FBXL7: variants seen among roughly 807,000 people sequenced by gnomAD.
FBXL7 encodes F-box/LRR-repeat protein 7.
A neutral mutation model predicts 38.3 loss-of-function variants in FBXL7; 12 were observed. The ratio of observed to expected loss-of-function variants is 0.31; its 90% confidence interval spans 0.20 to 0.51. The LOEUF is 0.51. FBXL7 is among the 20% of genes least tolerant of loss of function. FBXL7 has a pLI of 0.98. For synonymous variants in FBXL7, 297 were observed against 300.9 expected (o/e 0.99, Z 0.13); for missense variants, 567 against 676.4 (o/e 0.84, Z 1.79).
chr5:15,876,928 GA>G (rs1740234433), intron 2 of FBXL7, among the ~76,000 whole-genome samples: 1 of 152,186 alleles, frequency 6.6e-6, no homozygotes, highest in African/African-American at 2.4e-5. Context: ...ATGAAGAACT[GA>G]AAAGGCATTC....
chr5:15,576,632 G>C (rs1039828395), intron 1 of FBXL7, among the ~76,000 whole-genome samples: 45 of 152,158 alleles, frequency 3.0e-4, no homozygotes, highest in Admixed American at 1.3e-3. Context: ...GATATTAAAG[G>C]TTTGCTTAAC....
At position 15,713,323 on chromosome 5, in the gene FBXL7, C is replaced by T. The variant is rs549516904; in HGVS notation, c.127+97251C>T. ...GTATGGGGAAACCACTCCCATGATTCAGCTATCTCCCACTGGGTCCCTCCC... is the reference window on the plus strand; with the variant it reads ...GTATGGGGAAACCACTCCCATGATTTAGCTATCTCCCACTGGGTCCCTCCC... On this transcript the variant is annotated intron_variant, in intron 2 of 3. Transcript: ENST00000504595. 4.6e-5 allele frequency among the ~76,000 whole-genome samples: 7 copies of T among 152,306 alleles called. No homozygotes were observed. In the East Asian group the frequency reaches 1.4e-3, roughly 29 times the overall value.
chr5:15,884,826 A>G (rs1362537086), intron 2 of FBXL7, among the ~76,000 whole-genome samples: 1 of 152,224 alleles, frequency 6.6e-6, no homozygotes, highest in Non-Finnish European at 1.5e-5. Flanking sequence ...TAAGAAGTAA[A>G]ACATTTCCCC....
At chr5:15,532,110 T>G (rs1313958314) in intron 1 of FBXL7, among the ~76,000 whole-genome samples, 2 of 152,250 alleles carry the variant, frequency 1.3e-5, no homozygotes, top group Non-Finnish European at 2.9e-5. Context: ...TATCTCTTGT[T>G]GTTAATGAAA....
chr5:15,787,379 G>T (rs1030865947), intron 2 of FBXL7, among the ~76,000 whole-genome samples: 2 of 152,136 alleles, frequency 1.3e-5, no homozygotes, highest in African/African-American at 4.8e-5. Context: ...CTTTTAAGGA[G>T]GTATGCCTTG....
rs1342719997 is a variant in FBXL7, at chr5:15,936,012, T to C, written c.740-438T>C. ...CAGGGAGCTTCCAAACCAGGGCAGC[T>C]CAAGAACTCACTTTTACTGAGCTCC... On this transcript the variant is annotated intron_variant, in intron 3 of 3. Transcript: ENST00000504595. This position sits in a 1 kb window ranked among gnomAD's most constrained non-coding sequence, Gnocchi z 6.0. Among the ~76,000 whole-genome samples, 3 of 152,148 alleles carry C rather than the reference T, an allele frequency of 2.0e-5. No homozygotes were observed. Among genetic ancestry groups the C allele is most frequent in the Non-Finnish European group, 2.9e-5 (2 of 68,034 alleles).
At chr5:15,666,053 A>T (rs2126590751) in intron 2 of FBXL7, among the ~76,000 whole-genome samples, 1 of 152,228 alleles carries the variant, frequency 6.6e-6, no homozygotes, top group South Asian at 2.1e-4. Flanking sequence ...TCCATTAGTC[A>T]TTGATAAAAC....
At chr5:15,594,497 C>A (rs1739566199) in intron 1 of FBXL7, among the ~76,000 whole-genome samples, 1 of 152,162 alleles carries the variant, frequency 6.6e-6, no homozygotes, top group Non-Finnish European at 1.5e-5. Flanking sequence ...AGTCTGAATT[C>A]CTGATGTGTG....
intron 1 of FBXL7, among the ~76,000 whole-genome samples, chr5:15,503,237 A>G (rs1736548401): frequency 6.6e-6 from 1 of 152,200 alleles, no homozygotes; most frequent in Non-Finnish European, 1.5e-5. Context: ...GCTGGCCAAC[A>G]TGGTGAAACC....
At chr5:15,555,978 T>C (rs1044838430) in intron 1 of FBXL7, among the ~76,000 whole-genome samples, 3 of 98,822 alleles carry the variant, frequency 3.0e-5, no homozygotes, top group African/African-American at 1.2e-4. Context: ...GTCTATCATC[T>C]ATCTATCTAT....
chr5:15,813,065 G>A (rs1737911108), intron 2 of FBXL7, among the ~76,000 whole-genome samples: 1 of 152,138 alleles, frequency 6.6e-6, no homozygotes, highest in African/African-American at 2.4e-5. Context: ...ATACAATCAT[G>A]TCATCTGCAA....
chr5:15,897,763 T>C (rs946232302), intron 2 of FBXL7, among the ~76,000 whole-genome samples: 1 of 150,778 alleles, frequency 6.6e-6, no homozygotes, highest in African/African-American at 2.4e-5. Flanking sequence ...GCCTGCCTTA[T>C]GTGGATAGGC....
intron 2 of FBXL7, among the ~76,000 whole-genome samples, chr5:15,846,380 TAA>T (rs1738903731): frequency 1.3e-5 from 2 of 152,206 alleles, no homozygotes; most frequent in Admixed American, 6.5e-5. Flanking sequence ...GAAAGAAATA[TAA>T]GTCACAAAAT....
chr5:15,591,620 G>C (rs923747723), intron 1 of FBXL7, among the ~76,000 whole-genome samples: 2 of 152,130 alleles, frequency 1.3e-5, no homozygotes, highest in African/African-American at 4.8e-5. Flanking sequence ...ACAATTGGCA[G>C]GGACAGGAGC....
chr5:15,570,564 G>T (rs1438518021), intron 1 of FBXL7, among the ~76,000 whole-genome samples: 1 of 152,056 alleles, frequency 6.6e-6, no homozygotes, highest in East Asian at 1.9e-4. Context: ...TATACAACGA[G>T]CAAGTCTAAG....
chr5:15,560,224 C>A (rs10065073), intron 1 of FBXL7, among the ~76,000 whole-genome samples: 60,191 of 151,934 alleles, frequency 0.4, 12,531 homozygotes, highest in African/African-American at 0.52. Context: ...CTTAATAATA[C>A]TTAATATTTC....
chr5:15,694,003 C>G (rs1160454567), intron 2 of FBXL7, among the ~76,000 whole-genome samples: 1 of 149,614 alleles, frequency 6.7e-6, no homozygotes, highest in Non-Finnish European at 1.5e-5. Context: ...GGCAGAGAGC[C>G]TAATTGAACT....
chr5:15,792,637 G>A (rs1314948123), intron 2 of FBXL7, among the ~76,000 whole-genome samples: 1 of 152,110 alleles, frequency 6.6e-6, no homozygotes, highest in African/African-American at 2.4e-5. Context: ...GACAGAAGGC[G>A]TCCGGCTTTC....
At chr5:15,891,247 T>G (rs1307633433) in intron 2 of FBXL7, among the ~76,000 whole-genome samples, 1 of 152,212 alleles carries the variant, frequency 6.6e-6, no homozygotes, top group Non-Finnish European at 1.5e-5. Flanking sequence ...AAGTCAGAGA[T>G]GTACCAGTTA....
Sources: gnomAD v4.1 joint callset for allele counts (sites outside exome capture counted in the v4.1 genomes callset) on GRCh38, gnomAD v4.1.1 for gene constraint, Gnocchi (gnomAD v3.1) non-coding constraint, MANE v1.5 for transcripts, NCBI Gene and HGNC (gene_info 2026-07-23, HGNC 2026-07-21) for gene names.